The following RASAL1 variants were observed in gnomAD, a reference collection of about 807,000 sequenced individuals.
RASAL1 encodes rasGAP-activating-like protein 1.
A neutral mutation model predicts 96.6 loss-of-function variants in RASAL1; 72 were observed. The observed-to-expected ratio is 0.75, with a 90% CI of 0.62 to 0.91. RASAL1 has a LOEUF of 0.91. Among genes scored for constraint, RASAL1 ranks in the 40% least tolerant of loss-of-function variants. The probability of loss-of-function intolerance (pLI) is 0.00; values close to 1 mark genes in which losing one functional copy is unlikely to be tolerated. For synonymous variants in RASAL1, 405 were observed against 430.4 expected, an observed-to-expected ratio of 0.94 and a Z score of 0.73; for missense variants, 1,016 against 1,072.5, an observed-to-expected ratio of 0.95 and a Z score of 0.74.
intron 18 of RASAL1, chr12:113,103,715 G>C (rs577890094): frequency 1.7e-6 from 1 of 603,614 alleles, no homozygotes; most frequent in Non-Finnish European, 2.9e-6. Context: ...GAAATAACAC[G>C]TCGCATACGC....
chr12:113,112,349 C>G (rs1950900150), intron 12 of RASAL1, 71 bp from the exon 13 acceptor site: 5 of 1,176,102 alleles, frequency 4.3e-6, no homozygotes, highest in Non-Finnish European at 5.4e-6. Flanking sequence ...CCACCGGCCC[C>G]GCTGAGCTCC....
In RASAL1 at chr12:113,117,065, A is replaced by G. The variant is rs766532967; in HGVS notation, c.731+8T>C. 2 of 1,584,580 alleles carry G rather than the reference A, an allele frequency of 1.3e-6. No homozygotes were observed. The highest frequency in any genetic ancestry group is 2.7e-5 in the African/African-American group (2 of 74,068). On this transcript the variant is annotated splice_region_variant and intron_variant, in intron 8 of 20. Transcript: ENST00000548055. Reference sequence around the variant, plus strand: ...AGCCTGGCCCCCTCCCTCTGCACCCACATTTACCCAGAATCCTCCTCGGCT... The same window carrying G: ...AGCCTGGCCCCCTCCCTCTGCACCCGCATTTACCCAGAATCCTCCTCGGCT...
At chr12:113,104,129 GC>G (rs777475728) in intron 17 of RASAL1, 31 bp downstream of exon 17, 1 of 1,589,296 alleles carries the variant, frequency 6.3e-7, no homozygotes, top group Non-Finnish European at 8.6e-7. Context: ...ACAGAGGGAC[GC>G]CCCCCGCTCC....
intron 5 of RASAL1, among the ~76,000 whole-genome samples, chr12:113,120,235 C>T (rs1951244314): frequency 6.6e-6 from 1 of 152,158 alleles, no homozygotes; most frequent in Non-Finnish European, 1.5e-5. Context: ...CTTCGGTTTC[C>T]TAGGAGCTGG....
At position 113,115,915 on chromosome 12, in the gene RASAL1, G is replaced by A. The variant is rs1245708994; in HGVS notation, c.849+19C>T. On this transcript the variant is annotated intron_variant, in intron 9 of 20. Transcript: ENST00000548055. This position sits in a 1 kb window ranked among gnomAD's most constrained non-coding sequence, Gnocchi z 4.1. ...CCCCCGGCACCCGCCTGATAGCATTGCTTGCCTGACGCACCCACCTCTGCT... is the reference window on the plus strand; with the variant it reads ...CCCCCGGCACCCGCCTGATAGCATTACTTGCCTGACGCACCCACCTCTGCT... 1.9e-6 allele frequency: 3 copies of A among 1,583,916 alleles called. No homozygotes were observed. The highest frequency in any genetic ancestry group is 2.7e-5 in the African/African-American group (2 of 74,236).
At chr12:113,133,765 CT>C (rs1289709956) in intron 1 of RASAL1, among the ~76,000 whole-genome samples, 1 of 152,228 alleles carries the variant, frequency 6.6e-6, no homozygotes, top group East Asian at 1.9e-4. Context: ...AGAACCCCCC[CT>C]GCCAGCTGGG....
chr12:113,102,243 T>C (rs552185503), intron 18 of RASAL1, among the ~76,000 whole-genome samples: 1 of 151,914 alleles, frequency 6.6e-6, no homozygotes, highest in Non-Finnish European at 1.5e-5. Flanking sequence ...TAGTGAGACC[T>C]TGTCTCTACA....
At chr12:113,101,512 C>A (rs541154494) in intron 19 of RASAL1, among the ~76,000 whole-genome samples, 2 of 152,314 alleles carry the variant, frequency 1.3e-5, no homozygotes, top group East Asian at 3.9e-4. Flanking sequence ...TCAGAACCCA[C>A]TCTATAATGA....
chr12:113,127,564 C>G (rs1459788989), intron 4 of RASAL1, among the ~76,000 whole-genome samples: 1 of 152,082 alleles, frequency 6.6e-6, no homozygotes, highest in Non-Finnish European at 1.5e-5. Context: ...ATGGGAGGAT[C>G]GCTTGAGCCC....
chr12:113,103,680 A>T, intron 18 of RASAL1: 3 of 551,614 alleles, frequency 5.4e-6, no homozygotes, highest in South Asian at 4.9e-5. Flanking sequence ...GTACCACTGG[A>T]TGCTGGCACC....
intron 5 of RASAL1, among the ~76,000 whole-genome samples, chr12:113,120,410 C>T (rs140560284): frequency 7.9e-4 from 120 of 152,254 alleles, no homozygotes; most frequent in African/African-American, 2.5e-3. Flanking sequence ...CTCAACCAGA[C>T]TCTAGGAAGC....
chr12:113,131,615 G>A (rs1464131615), intron 1 of RASAL1, among the ~76,000 whole-genome samples: 1 of 152,156 alleles, frequency 6.6e-6, no homozygotes, highest in Non-Finnish European at 1.5e-5. Context: ...AAGATGTGCT[G>A]CACCCCCTTA....
chr12:113,099,815 C>A lies in RASAL1; in HGVS notation c.*114G>T. 1 of 1,451,314 alleles carries A rather than the reference C, an allele frequency of 6.9e-7. No individual in the cohort carries two copies. 89.9% of individuals were successfully genotyped at this position (1,451,314 alleles called of 1,614,324 possible). ...CAGGACTAGGCACGTCTCTGGGAGCCTCCAAACCACAGAATCAAAGAGGTC... is the reference window on the plus strand; with the variant it reads ...CAGGACTAGGCACGTCTCTGGGAGCATCCAAACCACAGAATCAAAGAGGTC... On this transcript the variant is annotated 3_prime_UTR_variant, in exon 21 of 21. Transcript: ENST00000548055.
Position 113,112,094 on chromosome 12 carries a change from C to T in RASAL1, c.1366G>A (p.Glu456Lys), listed in dbSNP as rs1950882828. 1 of 1,241,450 alleles carries T rather than the reference C, an allele frequency of 8.1e-7. No individual in the cohort carries two copies. The highest frequency in any genetic ancestry group is 1.0e-6 in the Non-Finnish European group (1 of 989,508). The allele number at this position is 1,241,450 out of a possible 1,614,324, so 76.9% of individuals were successfully genotyped here. ...CTCCCATCCTGGCGCACCTGGTGCTCGGCCTGGGGGAAGCGCTCCTCCACT... is the reference window on the plus strand; with the variant it reads ...CTCCCATCCTGGCGCACCTGGTGCTTGGCCTGGGGGAAGCGCTCCTCCACT... ...RRVEERFPQA[E>K]HQDVKYLAIS... is the part of the protein sequence containing the mutation. Residue 456 changes from glutamate (E) to lysine (K), a missense_variant, in exon 13 of 21, where the codon GAG becomes AAG. Glu to Lys is a moderately conservative substitution (Grantham distance 56, BLOSUM62 1). Transcript: ENST00000548055.
Position 113,099,780 on chromosome 12 carries a change from TC to T in RASAL1, c.*148del. ...GGCTTCCATGCCCTGAGTTCTGGAC[TC>T]AAGGCACACAGGACTAGGCACGTCT... On this transcript the variant is annotated 3_prime_UTR_variant, in exon 21 of 21. Transcript: ENST00000548055. 8.5e-7 allele frequency: 1 copy of T among 1,175,420 alleles called. No homozygotes were observed. 72.8% of individuals were successfully genotyped at this position (1,175,420 alleles called of 1,614,324 possible). A position where few individuals can be genotyped will look rare whatever the true frequency, so the allele number is the denominator to read the frequency against.
Position 113,100,063 on chromosome 12 carries a change from A to C in RASAL1, c.2284T>G (p.Cys762Gly). 2 of 1,604,380 alleles carry C rather than the reference A, an allele frequency of 1.2e-6. No individual in the cohort carries two copies. Among genetic ancestry groups the C allele is most frequent in the Non-Finnish European group, 8.5e-7 (1 of 1,174,698 alleles). ...CTTTGCCGGGCCAGGACCTCAGGAC[A>C]GGCCCCTAGGAGGGAGACAAGAGGC... is the stretch of plus-strand genomic sequence containing the variant. Reference protein sequence around the residue: ...DTTLEADTGACPEVLARQRAA... With the variant: ...DTTLEADTGAGPEVLARQRAA... The change falls in exon 21 of 21, where the codon TGT becomes GGT. Residue 762 changes from cysteine to glycine, a missense_variant. By Grantham distance (159) the Cys-to-Gly change is radical. Coordinates refer to ENST00000548055, the MANE Select transcript of RASAL1 (RefSeq NM_001301202.2).
At chr12:113,100,451 A>G (rs189749700) in intron 20 of RASAL1, among the ~76,000 whole-genome samples, 177 bp downstream of exon 20, 4 of 152,176 alleles carry the variant, frequency 2.6e-5, no homozygotes, top group African/African-American at 9.7e-5. Context: ...GGTGTGCACC[A>G]CCACGCCCGG....
chr12:113,118,887 A>G (rs965594610), intron 7 of RASAL1, among the ~76,000 whole-genome samples: 4 of 152,210 alleles, frequency 2.6e-5, no homozygotes, highest in Admixed American at 6.5e-5. Flanking sequence ...CTCTCATCCC[A>G]GAATGAGAAT....
At chr12:113,121,726 A>ATTTTT in intron 4 of RASAL1, 88 bp from the exon 5 acceptor site, 1 of 1,189,076 alleles carries the variant, frequency 8.4e-7, no homozygotes, top group Non-Finnish European at 1.1e-6. Context: ...CATTATTTTC[A>ATTTTT]TTTTTTTTTT....
Sources: gnomAD v4.1 joint callset for allele counts (sites outside exome capture counted in the v4.1 genomes callset) on GRCh38, gnomAD v4.1.1 for gene constraint, Gnocchi (gnomAD v3.1) non-coding constraint, MANE v1.5 for transcripts, NCBI Gene and HGNC (gene_info 2026-07-23, HGNC 2026-07-21) for gene names.